H2BC5: variants seen among roughly 807,000 people sequenced by gnomAD.
H2BC5 encodes the protein histone H2B type 1-D.
A neutral mutation model predicts 5.7 loss-of-function variants in H2BC5; 9 were observed. That is an observed-to-expected ratio of 1.57 (90% CI 0.95 to 2.74). The LOEUF is 2.74. Among genes scored for constraint, H2BC5 ranks in the 30% most tolerant of loss-of-function variants. The pLI is 0.00. For missense variants in H2BC5, 175 were observed against 168.8 expected (o/e 1.04, Z -0.20); for synonymous variants, 133 against 70.9 (o/e 1.88, Z -4.40).
At chr6:26,164,040 A>G in intron 1 of H2BC5, 1 of 454,086 alleles carries the variant, frequency 2.2e-6, no homozygotes, top group Non-Finnish European at 4.5e-6. Context: ...GAACTTATTG[A>G]AATATTCCAA....
intron 1 of H2BC5, among the ~76,000 whole-genome samples, chr6:26,170,518 A>C (rs1764501247): frequency 6.6e-6 from 1 of 152,230 alleles, no homozygotes; most frequent in South Asian, 2.1e-4. Context: ...CCTCATCTAT[A>C]CAAGGAGGAT....
chr6:26,164,191 T>A, intron 1 of H2BC5: 1 of 442,760 alleles, frequency 2.3e-6, no homozygotes, highest in Non-Finnish European at 4.6e-6. Context: ...GTGGCAGGGG[T>A]GAGGGCAGGA....
chr6:26,163,519 C>T (rs1363963796), downstream of H2BC5: 6 of 152,056 alleles, frequency 3.9e-5, no homozygotes, highest in Non-Finnish European at 1.5e-5. Context: ...TGCAATCATC[C>T]GAATCCTTGA....
chr6:26,161,945 T>A (rs1764358071), downstream of H2BC5, among the ~76,000 whole-genome samples: 3 of 152,090 alleles, frequency 2.0e-5, 1 homozygote, highest in South Asian at 6.2e-4. Flanking sequence ...TAATTAAAAA[T>A]AATATAAGAA....
downstream of H2BC5, among the ~76,000 whole-genome samples, chr6:26,159,305 C>T (rs995198985): frequency 8.5e-6 from 1 of 117,320 alleles, no homozygotes; most frequent in Non-Finnish European, 1.6e-5. Flanking sequence ...CTCCGGGTAA[C>T]GGCAGAAACC....
At chr6:26,164,128 T>TC in intron 1 of H2BC5, 5 of 449,128 alleles carry the variant, frequency 1.1e-5, no homozygotes, top group East Asian at 5.7e-5. Context: ...TCTGAGTAGA[T>TC]CCCCCCGTGG....
At chr6:26,169,992 T>C (rs540539299) in intron 1 of H2BC5, among the ~76,000 whole-genome samples, 132 of 151,934 alleles carry the variant, frequency 8.7e-4, no homozygotes, top group African/African-American at 3.0e-3. Flanking sequence ...GGTAGAAAGA[T>C]AGAGAAAAAA....
chr6:26,158,709 A>C, downstream of H2BC5: 1 of 1,203,026 alleles, frequency 8.3e-7, no homozygotes, highest in South Asian at 1.6e-5. Flanking sequence ...CTGCAGAGGA[A>C]ATAACTTGGA....
At chr6:26,166,938 T>C (rs982937338) in intron 1 of H2BC5, among the ~76,000 whole-genome samples, 8 of 151,604 alleles carry the variant, frequency 5.3e-5, no homozygotes, top group African/African-American at 1.9e-4. Context: ...TGACCTCAGG[T>C]GATCTGCCCG....
intron 1 of H2BC5, among the ~76,000 whole-genome samples, chr6:26,166,793 G>A (rs1347165199): frequency 1.4e-5 from 2 of 146,484 alleles, no homozygotes; most frequent in Non-Finnish European, 3.0e-5. Context: ...TCCGCCTCCT[G>A]GGTTCAAGCC....
At chr6:26,167,146 G>A (rs900736756) in intron 1 of H2BC5, among the ~76,000 whole-genome samples, 6 of 133,814 alleles carry the variant, frequency 4.5e-5, no homozygotes, top group African/African-American at 1.4e-4. Context: ...ATTTAGGACC[G>A]ATGTATCTGT....
downstream of H2BC5, chr6:26,161,280 T>C (rs1483951288): frequency 1.3e-5 from 2 of 152,062 alleles, no homozygotes; most frequent in Non-Finnish European, 2.9e-5. Context: ...AGTGACCACA[T>C]AGATTTGAAA....
rs779559497 is a variant in H2BC5 at position 26,158,448 on chromosome 6, G to A, written c.279G>A (p.Arg93=). 9.9e-6 allele frequency: 16 copies of A among 1,614,144 alleles called. No individual in the cohort carries two copies. Among genetic ancestry groups the A allele is most frequent in the South Asian group, 3.3e-5 (3 of 91,096 alleles). ...HYNKRSTITS[R]EIQTAVRLLL... ...ACAAGCGCTCGACCATCACCTCCAG[G>A]GAGATCCAGACGGCCGTGCGCCTGC... Residue 93 remains arginine (R), a synonymous_variant, in exon 1 of 1, where the codon AGG becomes AGA. Coordinates refer to ENST00000377777, the MANE Select transcript of H2BC5 (RefSeq NM_021063.4).
At chr6:26,164,819 C>A (rs1294590856) in intron 1 of H2BC5, among the ~76,000 whole-genome samples, 1 of 151,904 alleles carries the variant, frequency 6.6e-6, no homozygotes, top group East Asian at 1.9e-4. Flanking sequence ...CCAGGAGAAC[C>A]GGCACCTTGA....
In H2BC5 at chr6:26,158,263, C is replaced by T. The variant is rs2113830791; in HGVS notation, c.94C>T (p.Arg32Cys). The T allele has an allele frequency of 1.9e-6, 3 of 1,614,252 alleles. No individual in the cohort carries two copies. Among genetic ancestry groups the T allele is most frequent in the South Asian group, 2.2e-5 (2 of 91,086 alleles). Reference protein sequence around the residue: ...AQKKDGKKRKRSRKESYSVYV... With the variant: ...AQKKDGKKRKCSRKESYSVYV... ...GAAGAAGGACGGGAAGAAGCGCAAG[C>T]GCAGCCGCAAGGAGAGCTATTCAGT... is the stretch of plus-strand genomic sequence containing the variant. The change falls in exon 1 of 1, where the codon CGC becomes TGC. Residue 32 changes from arginine to cysteine, a missense_variant. Coordinates refer to ENST00000377777, the MANE Select transcript of H2BC5 (RefSeq NM_021063.4).
downstream of H2BC5, chr6:26,158,647 G>A (rs1038477548): frequency 6.5e-7 from 1 of 1,530,936 alleles, no homozygotes; most frequent in Non-Finnish European, 8.8e-7. Context: ...CATTCAAAAG[G>A]GGGGTTATTG....
downstream of H2BC5, among the ~76,000 whole-genome samples, chr6:26,162,723 G>C (rs901613973): frequency 6.6e-6 from 1 of 152,106 alleles, no homozygotes; most frequent in Non-Finnish European, 1.5e-5. Flanking sequence ...ATTTTTAGTA[G>C]AGACAAGGTT....
chr6:26,164,172 T>C, intron 1 of H2BC5: 1 of 449,358 alleles, frequency 2.2e-6, no homozygotes, highest in South Asian at 1.9e-5. Flanking sequence ...CACTCAGTGG[T>C]AGCAGGAGGT....
chr6:26,165,824 A>C (rs986945256), intron 1 of H2BC5, among the ~76,000 whole-genome samples: 6 of 152,174 alleles, frequency 3.9e-5, no homozygotes, highest in Non-Finnish European at 5.9e-5. Context: ...AGGGATGAAA[A>C]GGAGGTGGGG....
Sources: gnomAD v4.1 joint callset for allele counts (sites outside exome capture counted in the v4.1 genomes callset) on GRCh38, gnomAD v4.1.1 for gene constraint, MANE v1.5 for transcripts, NCBI Gene and HGNC (gene_info 2026-07-23, HGNC 2026-07-21) for gene names.